ABTB3: variants seen among roughly 807,000 people sequenced by gnomAD.
ABTB3 encodes the protein ankyrin repeat and BTB domain containing 3.
the ABTB3 span, among the ~76,000 whole-genome samples, chr12:107,501,351 G>A: frequency 6.0e-5 from 9 of 151,224 alleles, no homozygotes; most frequent in African/African-American, 2.0e-4. Context: ...TGGCATTCAA[G>A]TTGTGCCTTG....
the ABTB3 span, among the ~76,000 whole-genome samples, chr12:107,618,645 A>G: frequency 1.3e-5 from 2 of 152,272 alleles, no homozygotes; most frequent in African/African-American, 4.8e-5. Context: ...TGATTCCCAA[A>G]CACTGAACCC....
the ABTB3 span, among the ~76,000 whole-genome samples, chr12:107,552,237 G>A: frequency 6.6e-6 from 1 of 152,164 alleles, no homozygotes; most frequent in African/African-American, 2.4e-5. Context: ...AGTCTGTTTT[G>A]CTTCCATAGG....
At chr12:107,558,896 TG>T in the ABTB3 span, among the ~76,000 whole-genome samples, 28 of 152,304 alleles carry the variant, frequency 1.8e-4, no homozygotes, top group African/African-American at 6.7e-4. Context: ...GGCTGGACGT[TG>T]AGCCCCAGCA....
chr12:107,393,383 T>C, the ABTB3 span, among the ~76,000 whole-genome samples: 1,324 of 151,940 alleles, frequency 8.7e-3, 17 homozygotes, highest in African/African-American at 0.03. Flanking sequence ...TGAAAATCCA[T>C]AGGAATCCAA....
chr12:107,596,269 T>C, the ABTB3 span, among the ~76,000 whole-genome samples: 7 of 152,170 alleles, frequency 4.6e-5, no homozygotes, highest in Admixed American at 2.6e-4. Flanking sequence ...GTGGATTCAG[T>C]TGGATGTGGG....
chr12:107,655,968 G>A, the ABTB3 span, among the ~76,000 whole-genome samples: 1 of 152,110 alleles, frequency 6.6e-6, no homozygotes, highest in Non-Finnish European at 1.5e-5. Context: ...GCATTTCCTA[G>A]GAGCTGTATT....
chr12:107,383,219 AGCCAGGCCTATAG>A, the ABTB3 span, among the ~76,000 whole-genome samples: 2 of 152,206 alleles, frequency 1.3e-5, no homozygotes, highest in Admixed American at 6.5e-5. Context: ...CCACTCCAGA[AGCCAGGCCTATAG>A]GCCTTACCCA....
the ABTB3 span, chr12:107,580,988 C>T: frequency 6.4e-7 from 1 of 1,551,962 alleles, no homozygotes; most frequent in East Asian, 2.4e-5. Context: ...AAGGCTCTCC[C>T]ACTACTCTGG....
At chr12:107,366,148 G>C in the ABTB3 span, among the ~76,000 whole-genome samples, 1 of 152,172 alleles carries the variant, frequency 6.6e-6, no homozygotes, top group Non-Finnish European at 1.5e-5. Flanking sequence ...CAGCTGGTTG[G>C]TCCCTTTTTG....
At chr12:107,613,072 A>G in the ABTB3 span, among the ~76,000 whole-genome samples, 1 of 152,232 alleles carries the variant, frequency 6.6e-6, no homozygotes, top group East Asian at 1.9e-4. Context: ...CAGCCCAACC[A>G]AACCCCAAGG....
At chr12:107,563,811 C>T in the ABTB3 span, among the ~76,000 whole-genome samples, 1 of 152,114 alleles carries the variant, frequency 6.6e-6, no homozygotes, top group East Asian at 1.9e-4. Flanking sequence ...ACAGTGTATT[C>T]CCAAAATGCC....
chr12:107,543,184 A>T, the ABTB3 span, among the ~76,000 whole-genome samples: 1 of 151,924 alleles, frequency 6.6e-6, no homozygotes, highest in Non-Finnish European at 1.5e-5. Flanking sequence ...AAAATTACGA[A>T]AATTAACCGG....
chr12:107,450,749 G>A, the ABTB3 span, among the ~76,000 whole-genome samples: 1 of 152,104 alleles, frequency 6.6e-6, no homozygotes, highest in African/African-American at 2.4e-5. Context: ...CTGGTCTTTA[G>A]GCAAATAAGG....
the ABTB3 span, among the ~76,000 whole-genome samples, chr12:107,371,956 T>C: frequency 6.6e-6 from 1 of 152,358 alleles, no homozygotes; most frequent in South Asian, 2.1e-4. Context: ...AACTGTTTGC[T>C]CTCCTGTCCT....
chr12:107,510,548 A>G, the ABTB3 span, among the ~76,000 whole-genome samples: 1 of 152,174 alleles, frequency 6.6e-6, no homozygotes, highest in African/African-American at 2.4e-5. Flanking sequence ...AGGTGCTATA[A>G]AGAAGAAATA....
the ABTB3 span, among the ~76,000 whole-genome samples, chr12:107,482,168 C>T: frequency 1.3e-5 from 2 of 152,094 alleles, no homozygotes; most frequent in Non-Finnish European, 1.5e-5. Context: ...GCCAAAATAA[C>T]GCATGTCACC....
the ABTB3 span, among the ~76,000 whole-genome samples, chr12:107,497,261 C>A: frequency 7.1e-6 from 1 of 141,648 alleles, no homozygotes; most frequent in Non-Finnish European, 1.6e-5. Flanking sequence ...ATCATCACCA[C>A]CACCATCCCC....
At chr12:107,448,817 C>T in the ABTB3 span, among the ~76,000 whole-genome samples, 15 of 152,246 alleles carry the variant, frequency 9.9e-5, 1 homozygote, top group South Asian at 2.5e-3. Flanking sequence ...GTGGTCCGCC[C>T]GCCTCGTCCT....
At chr12:107,421,017 A>G in the ABTB3 span, among the ~76,000 whole-genome samples, 1 of 152,138 alleles carries the variant, frequency 6.6e-6, no homozygotes, top group Non-Finnish European at 1.5e-5. Context: ...GTTATAAAAG[A>G]GTAGAGAGGT....
Sources: allele counts gnomAD v4.1 joint callset (sites outside exome capture counted in the v4.1 genomes callset), GRCh38; gene constraint gnomAD v4.1.1; transcripts MANE v1.5; gene names NCBI Gene and HGNC (gene_info 2026-07-23, HGNC 2026-07-21).